SLITRK5: variants seen among roughly 807,000 people sequenced by gnomAD.
The protein encoded by SLITRK5 is SLIT and NTRK like family member 5.
Under a neutral mutation model 56.2 loss-of-function variants are expected in SLITRK5, and 23 were observed. The ratio of observed to expected loss-of-function variants is 0.41; its 90% CI spans 0.29 to 0.58. The LOEUF is 0.58. SLITRK5 is among the 20% of genes least tolerant of loss of function. SLITRK5 has a pLI of 0.30. For synonymous variants in SLITRK5, 637 were observed against 531.8 expected, an observed-to-expected ratio of 1.20 and a Z score of -2.72; for missense variants, 1,289 against 1,226.6, an observed-to-expected ratio of 1.05 and a Z score of -0.76.
Position 87,677,326 on chromosome 13 carries a change from C to A in SLITRK5, c.1938C>A (p.Thr646=), listed in dbSNP as rs551160420. 9.2e-4 allele frequency: 1,489 copies of A among 1,614,122 alleles called. 21 individuals are homozygous for A. In the South Asian group the frequency reaches 0.015, roughly 16 times the overall value. ...CTCCTGCGGTCCGGTTGAATAGCAC[C>A]GGGGCCCCCGCGAGCTTGGGCGCAG... ...AVTPAVRLNS[T]GAPASLGAGG... is the part of the protein sequence containing the mutation. Residue 646 remains threonine, a synonymous_variant, in exon 2 of 2, where the codon ACC becomes ACA. Transcript: ENST00000683689. The surrounding 1 kb of genome is among the most constrained non-coding windows in gnomAD (Gnocchi z 4.7).
chr13:87,672,928 T>TCCTTC (rs1456783504), intron 1 of SLITRK5: 3 of 154,584 alleles, frequency 1.9e-5, no homozygotes, highest in African/African-American at 5.0e-5. Context: ...GGGGTGGTTT[T>TCCTTC]CCTTCCCTCT....
rs1249690505 is a variant in SLITRK5, at chr13:87,677,305, T to C, written c.1917T>C (p.Pro639=). The stretch of plus-strand genomic sequence containing the variant: ...CTGCGAGGACCAGCGCCGTGACTCC[T>C]GCGGTCCGGTTGAATAGCACCGGGG... ...QVPARTSAVT[P]AVRLNSTGAP... The change falls in exon 2 of 2, where the codon CCT becomes CCC. Residue 639 remains proline, a synonymous_variant. Transcript: ENST00000683689. This position sits in a 1 kb window ranked among gnomAD's most constrained non-coding sequence, Gnocchi z 4.7. The C allele has an allele frequency of 1.2e-6, 2 of 1,614,154 alleles. No individual in the cohort carries two copies. Among genetic ancestry groups the C allele is most frequent in the South Asian group, 2.2e-5 (2 of 91,088 alleles).
intron 1 of SLITRK5, among the ~76,000 whole-genome samples, chr13:87,675,134 T>A (rs912985763): frequency 1.3e-5 from 2 of 152,160 alleles, no homozygotes; most frequent in African/African-American, 4.8e-5. Flanking sequence ...CCTGCTCTTA[T>A]CTTGTAAGGA....
intron 1 of SLITRK5, chr13:87,672,482 A>T (rs1370884696): frequency 1.0e-5 from 1 of 98,546 alleles, no homozygotes; most frequent in Non-Finnish European, 2.0e-5. Context: ...GCGCCTCTCC[A>T]GCCGGACCTC....
chr13:87,677,430 C>T lies in SLITRK5; in HGVS notation c.2042C>T (p.Ala681Val), dbSNP rs1256798513. ...GTTTTCATCATGTCCGTCTTCGTGGCCGCCGGGCTCTTCGTGCTGGTCATG... is the reference window on the plus strand; with the variant it reads ...GTTTTCATCATGTCCGTCTTCGTGGTCGCCGGGCTCTTCGTGCTGGTCATG... ...LLVFIMSVFV[A>V]AGLFVLVMKR... The change falls in exon 2 of 2, where the codon GCC (alanine) becomes GTC (valine). Residue 681 changes from alanine (A) to valine (V), a missense_variant. By Grantham distance (64) the Ala-to-Val change is moderately conservative. Coordinates refer to ENST00000683689, the MANE Select transcript of SLITRK5 (RefSeq NM_001384609.1). The surrounding 1 kb of genome is among the most constrained non-coding windows in gnomAD (Gnocchi z 4.7). 1.2e-5 allele frequency: 19 copies of T among 1,613,416 alleles called. No individual in the cohort carries two copies. The highest frequency in any genetic ancestry group is 1.5e-5 in the Non-Finnish European group (18 of 1,180,008).
At chr13:87,674,682 C>A (rs1002884553) in intron 1 of SLITRK5, among the ~76,000 whole-genome samples, 11 of 152,132 alleles carry the variant, frequency 7.2e-5, no homozygotes, top group African/African-American at 2.7e-4. Flanking sequence ...GCTTTAATAG[C>A]GTGGTAGTGA....
In SLITRK5 at chr13:87,677,520, A is replaced by G. The variant is rs1302449225; in HGVS notation, c.2132A>G (p.Asn711Ser). The G allele has an allele frequency of 6.2e-7, 1 of 1,611,598 alleles. No individual in the cohort carries two copies. Among genetic ancestry groups the G allele is most frequent in the Non-Finnish European group, 8.5e-7 (1 of 1,179,312 alleles). Residue 711 changes from asparagine (N) to serine (S), a missense_variant, in exon 2 of 2, where the codon AAC (asparagine) becomes AGC (serine). Physicochemically the swap from Asn to Ser is conservative, Grantham distance 46. This residue lies in a region of SLITRK5 where 985 missense variants were observed against 906.0 expected (regional missense o/e 1.09). Coordinates refer to ENST00000683689, the MANE Select transcript of SLITRK5 (RefSeq NM_001384609.1). This position sits in a 1 kb window ranked among gnomAD's most constrained non-coding sequence, Gnocchi z 4.7. The stretch of plus-strand genomic sequence containing the variant: ...AACAACTCCGACGTGAGCTCCTTTA[A>G]CATGCAGTACAGCGTGTACGGCGGC... The part of the protein sequence containing the change: ...STNNSDVSSF[N>S]MQYSVYGGGG...
intron 1 of SLITRK5, among the ~76,000 whole-genome samples, 142 bp downstream of exon 1, chr13:87,672,351 G>A (rs562674526): frequency 3.5e-4 from 54 of 152,138 alleles, no homozygotes; most frequent in African/African-American, 1.3e-3. Context: ...CCGTCACGTT[G>A]GCGGGGCCGG....
intron 1 of SLITRK5, chr13:87,672,794 A>G (rs1284915838): frequency 6.5e-6 from 1 of 153,412 alleles, no homozygotes; most frequent in Non-Finnish European, 1.4e-5. Context: ...AAGGGTGGCT[A>G]TGATGACTGG....
At position 87,678,326 on chromosome 13, in the gene SLITRK5, A is replaced by G. The variant is rs1877392142; in HGVS notation, c.*61A>G. On this transcript the variant is annotated 3_prime_UTR_variant, in exon 2 of 2. Coordinates refer to ENST00000683689, the MANE Select transcript of SLITRK5 (RefSeq NM_001384609.1). ...AACAAACAAGCAAGCAGACACACAC[A>G]GTGAACACATTTGATTAATTGTGTT... 7 of 1,420,688 alleles carry G rather than the reference A, an allele frequency of 4.9e-6. No individual in the cohort carries two copies. In the Admixed American group the frequency reaches 6.2e-5, roughly 13 times the overall value. 88.0% of individuals were successfully genotyped at this position (1,420,688 alleles called of 1,614,324 possible).
intron 1 of SLITRK5, among the ~76,000 whole-genome samples, chr13:87,674,077 G>A (rs933047680): frequency 6.6e-6 from 1 of 151,624 alleles, no homozygotes; most frequent in Non-Finnish European, 1.5e-5. Context: ...TAAGAGTGCT[G>A]CTGTTGATCA....
rs149459489 is a variant in SLITRK5 at position 87,677,720 on chromosome 13, G to C, written c.2332G>C (p.Asp778His). The C allele has an allele frequency of 5.3e-5, 86 of 1,612,502 alleles. No individual in the cohort carries two copies. Among genetic ancestry groups the C allele is most frequent in the Non-Finnish European group, 6.9e-5 (81 of 1,179,196 alleles). ...GGGCAACTCCGTAGAGGATTACAAA[G>C]ACCTGCACGAGCTCAAGGTCACCTA... ...REGNSVEDYK[D>H]LHELKVTYSS... Residue 778 changes from aspartate (D) to histidine (H), a missense_variant, in exon 2 of 2, where the codon GAC becomes CAC. Coordinates refer to ENST00000683689, the MANE Select transcript of SLITRK5 (RefSeq NM_001384609.1). This position sits in a 1 kb window ranked among gnomAD's most constrained non-coding sequence, Gnocchi z 4.7.
Position 87,675,451 on chromosome 13 carries a change from G to A in SLITRK5, c.63G>A (p.Trp21Ter). Residue 21 changes from tryptophan (W) to a stop codon, truncating the protein, a stop_gained, in exon 2 of 2, where the codon TGG (tryptophan) becomes TGA (stop). Transcript: ENST00000683689. LOFTEE classifies it high-confidence loss of function. ...ACCTTCACAGAAAAATGCATAGCTG[G>A]ATGCTGCAGACTCTAGCGTTTGCTG... ...EQDLHRKMHS[W>*]MLQTLAFAVT... is the part of the protein sequence containing the mutation. 1 of 1,614,144 alleles carries A rather than the reference G, an allele frequency of 6.2e-7. No homozygotes were observed. Among genetic ancestry groups the A allele is most frequent in the Non-Finnish European group, 8.5e-7 (1 of 1,180,036 alleles).
Position 87,678,023 on chromosome 13 carries a change from A to C in SLITRK5, c.2635A>C (p.Lys879Gln). ...CGGCAATAGCCTCCCGGAATATCCC[A>C]AATTCCCGTGCAGCCCCGCTGCTTA... is the stretch of plus-strand genomic sequence containing the variant. Reference protein sequence around the residue: ...PAGNSLPEYPKFPCSPAAYTF... With the variant: ...PAGNSLPEYPQFPCSPAAYTF... The change falls in exon 2 of 2, where the codon AAA (lysine) becomes CAA (glutamine). Residue 879 changes from lysine to glutamine, a missense_variant. Lys to Gln is a moderately conservative substitution (Grantham distance 53). This residue lies in a region of SLITRK5 where 985 missense variants were observed against 906.0 expected (regional missense o/e 1.09). Transcript: ENST00000683689. The C allele has an allele frequency of 8.1e-6, 13 of 1,614,066 alleles. No homozygotes were observed. The highest frequency in any genetic ancestry group is 1.1e-5 in the Non-Finnish European group (13 of 1,179,966).
intron 1 of SLITRK5, chr13:87,673,659 G>A (rs1877142831): frequency 1.9e-6 from 1 of 525,236 alleles, no homozygotes; most frequent in Non-Finnish European, 3.4e-6. Context: ...GGAGGTCGGG[G>A]ATACTTGCGA....
In SLITRK5 at chr13:87,678,339, GATTA is replaced by G. The variant is rs1322905917; in HGVS notation, c.*78_*81del. 2 of 1,343,404 alleles carry G rather than the reference GATTA, an allele frequency of 1.5e-6. No homozygotes were observed. The highest frequency in any genetic ancestry group is 2.9e-5 in the African/African-American group (2 of 68,376). The allele number at this position is 1,343,404 out of a possible 1,614,324, so 83.2% of individuals were successfully genotyped here. A position where few individuals can be genotyped will look rare whatever the true frequency, so the allele number is the denominator to read the frequency against. ...GCAGACACACACAGTGAACACATTT[GATTA>G]ATTGTGTTGTTTCAACGTTTAGGGT... On this transcript the variant is annotated 3_prime_UTR_variant, in exon 2 of 2. Transcript: ENST00000683689.
At chr13:87,673,719 A>G in intron 1 of SLITRK5, 10 of 437,926 alleles carry the variant, frequency 2.3e-5, no homozygotes, top group Non-Finnish European at 2.3e-5. Context: ...GGGTGGCCAC[A>G]CGTGAATGAT....
rs767928907 is a variant in SLITRK5, at chr13:87,677,788, GCCACCGCAGCAGCCACAGCAGCAGCCC to G, written c.2403_2429del (p.Gln804_Gln812del). The G allele has an allele frequency of 6.2e-7, 1 of 1,608,412 alleles. No homozygotes were observed. The highest frequency in any genetic ancestry group is 8.5e-7 in the Non-Finnish European group (1 of 1,177,618). ...TGCAGCAGCAGCAGCAGCCGCCGCC[GCCACCGCAGCAGCCACAGCAGCAGCCC>G]CCGCCGCAGCTGCAGCTGCAGCCCG... On this transcript the variant is annotated inframe_deletion, in exon 2 of 2. Transcript: ENST00000683689. This position sits in a 1 kb window ranked among gnomAD's most constrained non-coding sequence, Gnocchi z 4.7.
intron 1 of SLITRK5, chr13:87,672,657 G>C (rs1032708942): frequency 6.6e-6 from 1 of 152,162 alleles, no homozygotes; most frequent in Non-Finnish European, 1.5e-5. Context: ...CCCCAGGCTG[G>C]AGGCGTCCGG....
Sources: gnomAD v4.1 joint callset for allele counts (sites outside exome capture counted in the v4.1 genomes callset) on GRCh38, gnomAD v4.1.1 for gene constraint, gnomAD v4.1.1 regional missense constraint, Gnocchi (gnomAD v3.1) non-coding constraint, MANE v1.5 for transcripts, NCBI Gene and HGNC (gene_info 2026-07-23, HGNC 2026-07-21) for gene names.